ZNF365: variants seen among roughly 807,000 people sequenced by gnomAD.
ZNF365 encodes the protein zinc finger protein 365.
Under a neutral mutation model 35.0 loss-of-function variants are expected in ZNF365, and 22 were observed. That is an observed-to-expected ratio of 0.63 (90% CI 0.45 to 0.90). ZNF365 has a LOEUF of 0.90. ZNF365 is among the 40% of genes least tolerant of loss of function. The pLI is 0.00. For synonymous variants in ZNF365, 188 were observed against 196.2 expected (o/e 0.96, Z 0.35); for missense variants, 448 against 500.3 (o/e 0.90, Z 1.00).
intron 2 of ZNF365, among the ~76,000 whole-genome samples, chr10:62,384,338 A>G (rs944460911): frequency 1.2e-4 from 19 of 152,192 alleles, no homozygotes; most frequent in African/African-American, 4.6e-4. Flanking sequence ...CGATAGCATC[A>G]TATTATTCTT....
chr10:62,402,737 A>G (rs1839849582), downstream of ZNF365, among the ~76,000 whole-genome samples: 2 of 152,168 alleles, frequency 1.3e-5, no homozygotes, highest in South Asian at 4.1e-4. Context: ...TAATTTTCCT[A>G]CACTGTATTT....
intron 3 of ZNF365, among the ~76,000 whole-genome samples, chr10:62,433,772 G>A (rs765390627): frequency 6.6e-5 from 10 of 152,174 alleles, no homozygotes; most frequent in African/African-American, 1.4e-4. Flanking sequence ...TCACAACAAG[G>A]AAATATTGAA....
At chr10:62,420,978 T>G (rs1405280687) in intron 3 of ZNF365, among the ~76,000 whole-genome samples, 1 of 151,624 alleles carries the variant, frequency 6.6e-6, no homozygotes, top group African/African-American at 2.4e-5. Flanking sequence ...AGATGGTTTT[T>G]TTTTTTTTTT....
chr10:62,396,351 C>T (rs10740076), intron 3 of ZNF365, among the ~76,000 whole-genome samples: 87,758 of 152,026 alleles, frequency 0.58, 27,300 homozygotes, highest in East Asian at 0.79. Flanking sequence ...GGTAAAGCAC[C>T]GAGGCTTCAA....
At chr10:62,465,619 C>T (rs752492914) in intron 4 of ZNF365, among the ~76,000 whole-genome samples, 4 of 152,180 alleles carry the variant, frequency 2.6e-5, no homozygotes, top group African/African-American at 4.8e-5. Context: ...GACTCAGACA[C>T]TCACTGGGAC....
At chr10:62,440,054 T>G (rs1224577874) in intron 3 of ZNF365, among the ~76,000 whole-genome samples, 1 of 152,150 alleles carries the variant, frequency 6.6e-6, no homozygotes, top group Non-Finnish European at 1.5e-5. Flanking sequence ...GACTGCTAAA[T>G]TGGAATAAGG....
chr10:62,416,216 C>T (rs1589444067), intron 3 of ZNF365, among the ~76,000 whole-genome samples: 1 of 146,520 alleles, frequency 6.8e-6, no homozygotes. Flanking sequence ...AGTGTCTTAA[C>T]TTCTACCTGG....
intron 3 of ZNF365, among the ~76,000 whole-genome samples, chr10:62,428,357 A>C (rs1337464134): frequency 2.0e-5 from 3 of 152,082 alleles, no homozygotes; most frequent in Non-Finnish European, 2.9e-5. Flanking sequence ...GGTGGGATGA[A>C]ATTGAATCAT....
At chr10:62,434,725 G>A (rs2132459357) in intron 3 of ZNF365, among the ~76,000 whole-genome samples, 1 of 152,308 alleles carries the variant, frequency 6.6e-6, no homozygotes, top group Non-Finnish European at 1.5e-5. Flanking sequence ...AACAAAATTA[G>A]TGTTGTCATT....
intron 3 of ZNF365, among the ~76,000 whole-genome samples, chr10:62,443,250 T>C (rs937851470): frequency 2.0e-5 from 3 of 152,232 alleles, no homozygotes; most frequent in Non-Finnish European, 4.4e-5. Flanking sequence ...TTTCCTGTAA[T>C]GATTGGTTCT....
intron 3 of ZNF365, among the ~76,000 whole-genome samples, chr10:62,442,614 C>T (rs1001936938): frequency 6.6e-6 from 1 of 152,120 alleles, no homozygotes; most frequent in Non-Finnish European, 1.5e-5. Context: ...TCTAAATAAT[C>T]CTCCTGGCCT....
chr10:62,424,047 A>G (rs1327590664), intron 3 of ZNF365, among the ~76,000 whole-genome samples: 1 of 152,194 alleles, frequency 6.6e-6, no homozygotes, highest in African/African-American at 2.4e-5. Flanking sequence ...ATTAGACCTT[A>G]TTAGAGATAA....
intron 3 of ZNF365, among the ~76,000 whole-genome samples, chr10:62,390,017 C>A (rs1312663228): frequency 2.0e-5 from 3 of 152,110 alleles, no homozygotes; most frequent in Non-Finnish European, 4.4e-5. Flanking sequence ...GAGGGACTAT[C>A]TGAGCCTCTT....
rs1361371939 is a variant in ZNF365 at position 62,442,377 on chromosome 10, C to T, written c.925-17364C>T. 4.6e-5 allele frequency among the ~76,000 whole-genome samples: 7 copies of T among 152,140 alleles called. No individual in the cohort carries two copies. In the East Asian group the frequency reaches 1.2e-3, roughly 25 times the overall value. On this transcript the variant is annotated intron_variant, in intron 3 of 4. Coordinates refer to the ZNF365 transcript ENST00000395255. ...AGAGTGTAAATTCCATACATTGACT[C>T]ACAACTATAGAACAGATGAGATGAG...
chr10:62,421,046 CA>C (rs1840159433), intron 3 of ZNF365, among the ~76,000 whole-genome samples: 1 of 151,520 alleles, frequency 6.6e-6, no homozygotes, highest in Non-Finnish European at 1.5e-5. Context: ...AAACAGACTT[CA>C]AAAGATAGAA....
chr10:62,393,963 A>G (rs748603393), intron 3 of ZNF365, among the ~76,000 whole-genome samples: 3 of 152,138 alleles, frequency 2.0e-5, no homozygotes, highest in Non-Finnish European at 4.4e-5. Flanking sequence ...GTTTCCTTGT[A>G]TAGTACTCGA....
chr10:62,458,260 G>C (rs896872333), intron 3 of ZNF365, among the ~76,000 whole-genome samples: 1 of 152,170 alleles, frequency 6.6e-6, no homozygotes, highest in Non-Finnish European at 1.5e-5. Context: ...CTCCTCCTGA[G>C]TATATCTGGG....
intron 4 of ZNF365, among the ~76,000 whole-genome samples, chr10:62,460,365 T>A (rs1840827647): frequency 6.6e-6 from 1 of 152,236 alleles, no homozygotes; most frequent in Non-Finnish European, 1.5e-5. Flanking sequence ...AACTCTTACA[T>A]GTTTTTTCTT....
downstream of ZNF365, among the ~76,000 whole-genome samples, chr10:62,407,165 G>A (rs1284163076): frequency 1.3e-5 from 2 of 152,170 alleles, no homozygotes; most frequent in Non-Finnish European, 1.5e-5. Context: ...AATCAGAGAA[G>A]CATGGAGGGG....
Sources: allele counts gnomAD v4.1 joint callset (sites outside exome capture counted in the v4.1 genomes callset), GRCh38; gene constraint gnomAD v4.1.1; transcripts MANE v1.5; gene names NCBI Gene and HGNC (gene_info 2026-07-23, HGNC 2026-07-21).